RFTN2: variants seen among roughly 807,000 people sequenced by gnomAD.
The protein encoded by RFTN2 is raftlin family member 2.
A neutral mutation model predicts 52.7 loss-of-function variants in RFTN2; 34 were observed. The ratio of observed to expected loss-of-function variants is 0.64; its 90% CI spans 0.49 to 0.86. The LOEUF (loss-of-function observed/expected upper bound fraction) is 0.86. Ranked by LOEUF, RFTN2 falls within the 40% of genes least tolerant of loss-of-function variation. RFTN2 has a pLI of 0.00. For synonymous variants in RFTN2, 203 were observed against 217.7 expected, an observed-to-expected ratio of 0.93 and a Z score of 0.59; for missense variants, 536 against 600.1, an observed-to-expected ratio of 0.89 and a Z score of 1.12.
Position 197,569,143 on chromosome 2 carries a change from G to A in RFTN2, c.*2865C>T, listed in dbSNP as rs986620548. On this transcript the variant is annotated 3_prime_UTR_variant, in exon 9 of 9. Transcript: ENST00000295049. ...CCAAAGGGGATGGAATTAACACTTG[G>A]TATTGAAAACGAAGATGAAAATGCC... The A allele has an allele frequency of 1.3e-5, 2 of 152,302 alleles. No individual in the cohort carries two copies. The highest frequency in any genetic ancestry group is 3.9e-4 in the East Asian group (2 of 5,190). 9.4% of individuals were successfully genotyped at this position (152,302 alleles called of 1,614,324 possible). A position where few individuals can be genotyped will look rare whatever the true frequency, so the allele number is the denominator to read the frequency against.
In RFTN2 at chr2:197,571,385, A is replaced by G. The variant is rs893846243; in HGVS notation, c.*623T>C. ...GGAGCAACAACATTTATGTACAATGAATCAGTACAGGGTTGGTGACATGAC... is the reference window on the plus strand; with the variant it reads ...GGAGCAACAACATTTATGTACAATGGATCAGTACAGGGTTGGTGACATGAC... On this transcript the variant is annotated 3_prime_UTR_variant, in exon 9 of 9. Transcript: ENST00000295049. 5.2e-5 allele frequency: 8 copies of G among 152,674 alleles called. No individual in the cohort carries two copies. The highest frequency in any genetic ancestry group is 2.9e-5 in the Non-Finnish European group (2 of 68,050). 9.5% of individuals were successfully genotyped at this position (152,674 alleles called of 1,614,324 possible).
At chr2:197,616,740 G>T (rs1298543149) in intron 6 of RFTN2, among the ~76,000 whole-genome samples, 1 of 152,220 alleles carries the variant, frequency 6.6e-6, no homozygotes, top group Non-Finnish European at 1.5e-5. Flanking sequence ...GCGCTTGGGT[G>T]TGGGGAGTCT....
At chr2:197,624,171 G>A (rs1214798662) in intron 5 of RFTN2, among the ~76,000 whole-genome samples, 2 of 152,142 alleles carry the variant, frequency 1.3e-5, no homozygotes, top group Non-Finnish European at 2.9e-5. Context: ...TGACAATGAA[G>A]GATTTAGAAT....
chr2:197,634,495 G>A (rs868357454), intron 3 of RFTN2, among the ~76,000 whole-genome samples: 4 of 152,102 alleles, frequency 2.6e-5, no homozygotes, highest in Middle Eastern at 6.8e-3. Flanking sequence ...GAATGTGTAG[G>A]TATAAAGCAC....
intron 1 of RFTN2, among the ~76,000 whole-genome samples, chr2:197,671,473 C>T (rs187116499): frequency 1.9e-4 from 29 of 152,296 alleles, no homozygotes; most frequent in African/African-American, 7.0e-4. Context: ...GAATATTGAC[C>T]ATCACTCATA....
At chr2:197,645,694 G>A (rs1186739668) in intron 2 of RFTN2, among the ~76,000 whole-genome samples, 1 of 152,158 alleles carries the variant, frequency 6.6e-6, no homozygotes, top group Non-Finnish European at 1.5e-5. Flanking sequence ...TATCTAATTT[G>A]TTAGAACTTG....
In RFTN2 at chr2:197,631,029, A is replaced by T; in HGVS notation, c.910T>A (p.Phe304Ile). Residue 304 changes from phenylalanine (F) to isoleucine (I), a missense_variant, in exon 5 of 9, where the codon TTC becomes ATC. Transcript: ENST00000295049. Reference protein sequence around the residue: ...QGLSLIDSFVFWETSKGEHLP... With the variant: ...QGLSLIDSFVIWETSKGEHLP... ...AACTTACCTTTAGATGTTTCCCAGA[A>T]TACAAAAGAATCAATTAAAGACAAG... 1 of 1,605,450 alleles carries T rather than the reference A, an allele frequency of 6.2e-7. No individual in the cohort carries two copies. Among genetic ancestry groups the T allele is most frequent in the Non-Finnish European group, 8.5e-7 (1 of 1,172,816 alleles).
At position 197,631,127 on chromosome 2, in the gene RFTN2, G is replaced by A. The variant is rs1434360153; in HGVS notation, c.812C>T (p.Thr271Ile). ...YQEGILSMKV[T>I]RKGSVISTLD... ...TGTACTAATGACTGATCCTTTTCTTGTTACTTTCATTGACAGGATGCCTTC... is the reference window on the plus strand; with the variant it reads ...TGTACTAATGACTGATCCTTTTCTTATTACTTTCATTGACAGGATGCCTTC... Residue 271 changes from threonine to isoleucine, a missense_variant, in exon 5 of 9, where the codon ACA (threonine) becomes ATA (isoleucine). By Grantham distance (89) the Thr-to-Ile change is moderately conservative. Transcript: ENST00000295049. The A allele has an allele frequency of 2.5e-6, 4 of 1,613,266 alleles. No homozygotes were observed. The South Asian group carries it at 4.4e-5, about 18-fold the overall frequency.
At chr2:197,621,307 C>A (rs1026048790) in intron 5 of RFTN2, among the ~76,000 whole-genome samples, 1 of 151,708 alleles carries the variant, frequency 6.6e-6, no homozygotes, top group Admixed American at 6.6e-5. Flanking sequence ...CTTTGTGGCT[C>A]CAGGTGTGTT....
chr2:197,637,555 T>C lies in RFTN2; in HGVS notation c.439-3558A>G, dbSNP rs1479216678. ...AGGTGTTTGTAGTATTCTCTGATGG[T>C]AGTTTGTATTTCTGTGGGATTGGTG... On this transcript the variant is annotated intron_variant, in intron 3 of 8. Transcript: ENST00000295049. Among the ~76,000 whole-genome samples the C allele has an allele frequency of 2.6e-5, 4 of 152,344 alleles. No individual in the cohort carries two copies. In the East Asian group the frequency reaches 7.7e-4, roughly 29 times the overall value.
At chr2:197,603,213 T>TA (rs570043128) in intron 7 of RFTN2, among the ~76,000 whole-genome samples, 2 of 152,096 alleles carry the variant, frequency 1.3e-5, no homozygotes, top group Non-Finnish European at 2.9e-5. Flanking sequence ...AGTATAATAA[T>TA]AAAAAAAGTC....
intron 7 of RFTN2, among the ~76,000 whole-genome samples, chr2:197,613,948 A>C (rs1371359502): frequency 6.6e-6 from 1 of 152,272 alleles, no homozygotes; most frequent in Non-Finnish European, 1.5e-5. Flanking sequence ...AATCTGCTAA[A>C]TAGTGATGAT....
In RFTN2 at chr2:197,631,101, G is replaced by T. The variant is rs750625248; in HGVS notation, c.838C>A (p.Leu280Ile). 1.2e-6 allele frequency: 2 copies of T among 1,613,072 alleles called. No individual in the cohort carries two copies. Among genetic ancestry groups the T allele is most frequent in the Non-Finnish European group, 1.7e-6 (2 of 1,179,144 alleles). ...GTTAACTCCAGCCAATCAGCATCAA[G>T]TGTACTAATGACTGATCCTTTTCTT... ...VTRKGSVISTLDADWLELTTF... is the reference protein window; with the variant it reads ...VTRKGSVISTIDADWLELTTF... The change falls in exon 5 of 9, where the codon CTT (leucine) becomes ATT (isoleucine). Residue 280 changes from leucine to isoleucine, a missense_variant. By Grantham distance (5) the Leu-to-Ile change is conservative. Transcript: ENST00000295049.
intron 5 of RFTN2, among the ~76,000 whole-genome samples, chr2:197,618,498 C>T (rs1206813526): frequency 1.7e-4 from 26 of 152,036 alleles, no homozygotes; most frequent in African/African-American, 5.6e-4. Flanking sequence ...AGCCTCTGCC[C>T]GGCCGCCACC....
intron 5 of RFTN2, among the ~76,000 whole-genome samples, chr2:197,620,841 C>A (rs1343011318): frequency 2.6e-5 from 4 of 152,190 alleles, no homozygotes; most frequent in African/African-American, 4.8e-5. Context: ...TGGCGCATGC[C>A]TGTAATCCTG....
At chr2:197,633,395 A>C (rs2088497382) in intron 4 of RFTN2, among the ~76,000 whole-genome samples, 1 of 152,152 alleles carries the variant, frequency 6.6e-6, no homozygotes, top group Admixed American at 6.6e-5. Flanking sequence ...AGCTTTTTAG[A>C]CCTAATAGAC....
intron 4 of RFTN2, among the ~76,000 whole-genome samples, chr2:197,633,071 T>C (rs1418054631): frequency 6.6e-6 from 1 of 152,192 alleles, no homozygotes; most frequent in Non-Finnish European, 1.5e-5. Context: ...TTTTCTCTGA[T>C]AGTGCTTTTT....
Position 197,572,116 on chromosome 2 carries a change from T to C in RFTN2, c.1398A>G (p.Ala466=), listed in dbSNP as rs777737710. The part of the protein sequence containing the change: ...RECWTKEGRL[A]QHNSFSGFSS... ...TGAACCCAGAGAAGCTGTTGTGCTG[T>C]GCCAGCCTTCCCTCCTTTGTCCAGC... Residue 466 remains alanine (A), a synonymous_variant, in exon 9 of 9, where the codon GCA becomes GCG. Transcript: ENST00000295049. 1 of 1,614,276 alleles carries C rather than the reference T, an allele frequency of 6.2e-7. No homozygotes were observed. Among genetic ancestry groups the C allele is most frequent in the South Asian group, 1.1e-5 (1 of 91,090 alleles).
intron 3 of RFTN2, among the ~76,000 whole-genome samples, chr2:197,641,958 C>T (rs1163994981): frequency 6.6e-6 from 1 of 152,172 alleles, no homozygotes; most frequent in Non-Finnish European, 1.5e-5. Flanking sequence ...AACAAGGGCT[C>T]TGACGGTAAT....
Sources: gnomAD v4.1 joint callset for allele counts (sites outside exome capture counted in the v4.1 genomes callset) on GRCh38, gnomAD v4.1.1 for gene constraint, MANE v1.5 for transcripts, NCBI Gene and HGNC (gene_info 2026-07-23, HGNC 2026-07-21) for gene names.